The following AGBL3 variants were observed in gnomAD, a reference collection of about 807,000 sequenced individuals.
The protein encoded by AGBL3 is cytosolic carboxypeptidase 3.
Under a neutral mutation model 94.5 loss-of-function variants are expected in AGBL3, and 68 were observed. The observed-to-expected ratio is 0.72, with a 90% CI of 0.59 to 0.88. The LOEUF (loss-of-function observed/expected upper bound fraction) is 0.88, where lower values mean the gene tolerates loss of function less well. Ranked by LOEUF, AGBL3 falls within the 40% of genes least tolerant of loss-of-function variation. The pLI is 0.00. For missense variants in AGBL3, 934 were observed against 1,103.8 expected (o/e 0.85, Z 2.18); for synonymous variants, 354 against 370.7 (o/e 0.95, Z 0.52).
intron 12 of AGBL3, among the ~76,000 whole-genome samples, chr7:135,071,374 T>C (rs894560666): frequency 2.0e-5 from 3 of 151,998 alleles, no homozygotes; most frequent in South Asian, 4.2e-4. Flanking sequence ...CCCCATCAAG[T>C]TACCAATGAC....
At chr7:135,091,731 ATCAGTCT>A (rs1821882012) in intron 15 of AGBL3, among the ~76,000 whole-genome samples, 1 of 152,218 alleles carries the variant, frequency 6.6e-6, no homozygotes, top group Non-Finnish European at 1.5e-5. Flanking sequence ...CTCAGCAAAT[ATCAGTCT>A]TCTCACCTCC....
At chr7:135,030,229 C>G (rs1815582689) in intron 5 of AGBL3, among the ~76,000 whole-genome samples, 1 of 150,472 alleles carries the variant, frequency 6.6e-6, no homozygotes, top group African/African-American at 2.4e-5. Context: ...CACAATTTCA[C>G]AAGGTACGCC....
chr7:134,996,836 A>G (rs1811070646), intron 4 of AGBL3, among the ~76,000 whole-genome samples: 2 of 152,192 alleles, frequency 1.3e-5, no homozygotes, highest in Non-Finnish European at 1.5e-5. Flanking sequence ...AGTTGCATCA[A>G]TTTATTGTCA....
intron 14 of AGBL3, among the ~76,000 whole-genome samples, chr7:135,080,868 GTA>G (rs150587409): frequency 1.3e-4 from 19 of 146,196 alleles, no homozygotes; most frequent in South Asian, 2.1e-4. Flanking sequence ...ATGTGTGTGT[GTA>G]TATATATATA....
intron 15 of AGBL3, among the ~76,000 whole-genome samples, chr7:135,104,127 C>G (rs1289736127): frequency 1.3e-5 from 2 of 152,042 alleles, no homozygotes; most frequent in Non-Finnish European, 2.9e-5. Flanking sequence ...TCCCTATGTT[C>G]TCATAATTTG....
At chr7:135,023,860 T>C (rs1415469738) in intron 5 of AGBL3, among the ~76,000 whole-genome samples, 1 of 152,196 alleles carries the variant, frequency 6.6e-6, no homozygotes, top group Non-Finnish European at 1.5e-5. Context: ...GGTGGCCCCA[T>C]CTGAATACTT....
At chr7:135,086,797 T>C (rs777703800) in intron 15 of AGBL3, among the ~76,000 whole-genome samples, 1 of 151,944 alleles carries the variant, frequency 6.6e-6, no homozygotes, top group Non-Finnish European at 1.5e-5. Context: ...CATAGGCCAA[T>C]AGGTTTCTTT....
intron 15 of AGBL3, among the ~76,000 whole-genome samples, chr7:135,100,464 G>C (rs1294344993): frequency 6.6e-6 from 1 of 152,152 alleles, no homozygotes. Flanking sequence ...CTGGATGGTG[G>C]AATAGGTAAC....
At chr7:135,073,520 C>T (rs1820160633) in intron 12 of AGBL3, among the ~76,000 whole-genome samples, 1 of 139,566 alleles carries the variant, frequency 7.2e-6, no homozygotes, top group African/African-American at 2.6e-5. Flanking sequence ...ATAAACCTTG[C>T]AGTTTTAAGA....
intron 4 of AGBL3, among the ~76,000 whole-genome samples, chr7:135,014,546 T>A (rs1256142958): frequency 6.6e-6 from 1 of 152,208 alleles, no homozygotes; most frequent in Non-Finnish European, 1.5e-5. Flanking sequence ...AAATGGAATA[T>A]CCTTACCAAC....
intron 5 of AGBL3, among the ~76,000 whole-genome samples, chr7:135,022,626 T>C (rs193121277): frequency 5.9e-5 from 9 of 152,304 alleles, no homozygotes; most frequent in Admixed American, 5.9e-4. Context: ...TTTGCTCTTA[T>C]GATAGTTTCC....
At chr7:135,079,349 C>T (rs1289822118) in intron 13 of AGBL3, among the ~76,000 whole-genome samples, 1 of 152,096 alleles carries the variant, frequency 6.6e-6, no homozygotes, top group Non-Finnish European at 1.5e-5. Flanking sequence ...TTACAGTTTT[C>T]TCCCATTTTC....
intron 2 of AGBL3, among the ~76,000 whole-genome samples, chr7:134,988,633 A>ATTTTTTTTTT (rs906931665): frequency 6.8e-6 from 1 of 146,384 alleles, no homozygotes; most frequent in Non-Finnish European, 1.5e-5. Context: ...TGTTAATTTA[A>ATTTTTTTTTT]TTTTTTTTTT....
chr7:135,016,429 C>T (rs1813811705), intron 4 of AGBL3, among the ~76,000 whole-genome samples: 1 of 151,412 alleles, frequency 6.6e-6, no homozygotes, highest in African/African-American at 2.4e-5. Context: ...TCAAATTCTT[C>T]GTTCATTAAA....
At chr7:135,062,364 G>T (rs1818915915) in intron 12 of AGBL3, among the ~76,000 whole-genome samples, 1 of 152,032 alleles carries the variant, frequency 6.6e-6, no homozygotes, top group Non-Finnish European at 1.5e-5. Context: ...TTTTACTCTT[G>T]TCTAATTGCT....
intron 15 of AGBL3, among the ~76,000 whole-genome samples, chr7:135,091,569 C>G (rs1395317522): frequency 6.6e-6 from 1 of 152,136 alleles, no homozygotes; most frequent in Non-Finnish European, 1.5e-5. Flanking sequence ...GAACTAGGGT[C>G]TTCTAGTTAG....
chr7:135,037,529 C>T lies in AGBL3; in HGVS notation c.1449C>T (p.Tyr483=). Residue 483 remains tyrosine, a synonymous_variant, in exon 8 of 17, where the codon TAC becomes TAT. Coordinates refer to ENST00000436302, the MANE Select transcript of AGBL3 (RefSeq NM_178563.4). ...CDGSDRSKTL[Y]LQQRIFPLML... is the part of the protein sequence containing the mutation. The stretch of plus-strand genomic sequence containing the variant: ...GTAGTGACAGATCTAAGACATTATA[C>T]TTACAGCAACGAATCTTCCCACTTA... 1 of 1,546,308 alleles carries T rather than the reference C, an allele frequency of 6.5e-7. No homozygotes were observed. The highest frequency in any genetic ancestry group is 8.7e-7 in the Non-Finnish European group (1 of 1,144,496).
At chr7:135,055,686 G>A (rs1050998982) in intron 11 of AGBL3, among the ~76,000 whole-genome samples, 2 of 151,926 alleles carry the variant, frequency 1.3e-5, no homozygotes, top group Non-Finnish European at 2.9e-5. Flanking sequence ...AAAGATTTTT[G>A]CACCTGTGTT....
At chr7:135,003,879 T>C (rs1369181243) in intron 4 of AGBL3, among the ~76,000 whole-genome samples, 2 of 151,476 alleles carry the variant, frequency 1.3e-5, no homozygotes, top group African/African-American at 4.8e-5. Flanking sequence ...GTTCCAATTA[T>C]ACAGTTATCC....
Sources: allele counts gnomAD v4.1 joint callset (sites outside exome capture counted in the v4.1 genomes callset), GRCh38; gene constraint gnomAD v4.1.1; transcripts MANE v1.5; gene names NCBI Gene and HGNC (gene_info 2026-07-23, HGNC 2026-07-21).